GPR19: variants seen among roughly 807,000 people sequenced by gnomAD.
The protein encoded by GPR19 is G protein-coupled receptor 19.
A neutral mutation model predicts 28.5 loss-of-function variants in GPR19; 14 were observed. That is an observed-to-expected ratio of 0.49 (90% CI 0.32 to 0.77). The LOEUF (loss-of-function observed/expected upper bound fraction) is 0.77, where lower values mean the gene tolerates loss of function less well. Ranked by LOEUF, GPR19 falls within the 30% of genes least tolerant of loss-of-function variation. The pLI is 0.03. For synonymous variants in GPR19, 173 were observed against 184.1 expected (o/e 0.94, Z 0.49); for missense variants, 409 against 504.1 (o/e 0.81, Z 1.81).
At chr12:12,716,390 G>A in the GPR19 span, among the ~76,000 whole-genome samples, 2 of 152,288 alleles carry the variant, frequency 1.3e-5, no homozygotes, top group South Asian at 2.1e-4. Context: ...GGAAGGAGCT[G>A]TTGTATTTGG....
At chr12:12,667,501 G>A (rs1945800375) in intron 3 of GPR19, among the ~76,000 whole-genome samples, 2 of 151,906 alleles carry the variant, frequency 1.3e-5, no homozygotes, top group African/African-American at 4.8e-5. Context: ...GACCAGCCTG[G>A]CCAATACGGC....
chr12:12,675,431 A>C (rs1159369587), intron 3 of GPR19, among the ~76,000 whole-genome samples: 2 of 152,182 alleles, frequency 1.3e-5, no homozygotes, highest in African/African-American at 4.8e-5. Flanking sequence ...ATGGTTCCCC[A>C]AAGATATCCA....
At chr12:12,665,562 A>G (rs970294279) in intron 3 of GPR19, among the ~76,000 whole-genome samples, 3 of 152,068 alleles carry the variant, frequency 2.0e-5, no homozygotes, top group South Asian at 2.1e-4. Context: ...AGATCGGCCG[A>G]GCGCGGTGGC....
intron 3 of GPR19, among the ~76,000 whole-genome samples, chr12:12,676,797 A>C (rs1450765886): frequency 6.6e-6 from 1 of 152,212 alleles, no homozygotes; most frequent in African/African-American, 2.4e-5. Flanking sequence ...CAATTTGGCC[A>C]AGGAATTTGC....
In GPR19 at chr12:12,661,029, T is replaced by G; in HGVS notation, c.*172A>C. 1.8e-6 allele frequency: 1 copy of G among 550,460 alleles called. No individual in the cohort carries two copies. The highest frequency in any genetic ancestry group is 3.1e-6 in the Non-Finnish European group (1 of 320,158). The allele number at this position is 550,460 out of a possible 1,614,324, so 34.1% of individuals were successfully genotyped here. On this transcript the variant is annotated 3_prime_UTR_variant, in exon 4 of 4. Transcript: ENST00000651487. The surrounding 1 kb of genome is among the most constrained non-coding windows in gnomAD (Gnocchi z 4.2). Reference sequence around the variant, plus strand: ...CAAAGTGAACGCTTTTCCTAAAACATAAAAAGCAAGTAAAATAAAACCCAC... The same window carrying G: ...CAAAGTGAACGCTTTTCCTAAAACAGAAAAAGCAAGTAAAATAAAACCCAC...
chr12:12,688,018 G>C (rs1217443143), intron 2 of GPR19, among the ~76,000 whole-genome samples: 4 of 152,170 alleles, frequency 2.6e-5, no homozygotes, highest in African/African-American at 4.8e-5. Flanking sequence ...GACTACTATA[G>C]TTAGAACACC....
At chr12:12,715,962 A>G in the GPR19 span, 4 of 152,270 alleles carry the variant, frequency 2.6e-5, no homozygotes, top group Admixed American at 2.0e-4. Context: ...GGTGCTTAAG[A>G]AAACTTTGCT....
At position 12,661,784 on chromosome 12, in the gene GPR19, G is replaced by A. The variant is rs765196068; in HGVS notation, c.665C>T (p.Ala222Val). Residue 222 changes from alanine to valine, a missense_variant, in exon 4 of 4, where the codon GCC becomes GTC. Coordinates refer to ENST00000651487, the MANE Select transcript of GPR19 (RefSeq NM_006143.3). The surrounding 1 kb of genome is among the most constrained non-coding windows in gnomAD (Gnocchi z 4.2). Reference protein sequence around the residue: ...YFLPSSWEGTAYTVIHFLVGF... With the variant: ...YFLPSSWEGTVYTVIHFLVGF... ...CACCAAGAAGTGGATGACAGTGTAG[G>A]CAGTGCCTTCCCAAGAGGAGGGGAG... The A allele has an allele frequency of 4.3e-6, 7 of 1,613,852 alleles. No homozygotes were observed. The Admixed American group carries it at 1.0e-4, about 23-fold the overall frequency.
the GPR19 span, among the ~76,000 whole-genome samples, chr12:12,715,273 C>T: frequency 2.0e-4 from 30 of 152,282 alleles, no homozygotes; most frequent in Admixed American, 1.0e-3. Context: ...GGGAGGCCTA[C>T]CCTAATTTTC....
intron 2 of GPR19, among the ~76,000 whole-genome samples, chr12:12,688,338 T>C (rs1946124554): frequency 6.6e-6 from 1 of 151,324 alleles, no homozygotes; most frequent in African/African-American, 2.4e-5. Flanking sequence ...TCTGTACATA[T>C]AATGTCGAGT....
chr12:12,684,078 T>C (rs1466863021), intron 3 of GPR19: 1 of 152,196 alleles, frequency 6.6e-6, no homozygotes, highest in Admixed American at 6.5e-5. Flanking sequence ...TTTCCAGGCT[T>C]CAAGGGGAAA....
chr12:12,689,139 G>T (rs963023766), intron 2 of GPR19, among the ~76,000 whole-genome samples: 8 of 152,078 alleles, frequency 5.3e-5, no homozygotes, highest in East Asian at 3.9e-4. Flanking sequence ...AGAGAGTTGG[G>T]GGTGGTGCCA....
chr12:12,670,416 C>G (rs1364543474), intron 3 of GPR19, among the ~76,000 whole-genome samples: 1 of 152,124 alleles, frequency 6.6e-6, no homozygotes, highest in Non-Finnish European at 1.5e-5. Context: ...TCAGTTGCAT[C>G]CTATTCCTGT....
At chr12:12,665,735 G>T (rs951440259) in intron 3 of GPR19, among the ~76,000 whole-genome samples, 1 of 149,484 alleles carries the variant, frequency 6.7e-6, no homozygotes, top group African/African-American at 2.5e-5. Flanking sequence ...TATCCGGGAG[G>T]CTGAGGCAGG....
intron 3 of GPR19, among the ~76,000 whole-genome samples, chr12:12,668,780 T>A (rs1431307782): frequency 6.6e-6 from 1 of 152,192 alleles, no homozygotes; most frequent in Non-Finnish European, 1.5e-5. Flanking sequence ...ATTACAATCA[T>A]GACAGTAGTT....
the GPR19 span, among the ~76,000 whole-genome samples, chr12:12,711,787 A>T: frequency 6.6e-6 from 1 of 152,006 alleles, no homozygotes; most frequent in Non-Finnish European, 1.5e-5. Context: ...TCTCTCAAAT[A>T]CCCAAGCTTG....
chr12:12,710,938 A>G, the GPR19 span, among the ~76,000 whole-genome samples: 7 of 152,334 alleles, frequency 4.6e-5, no homozygotes, highest in Admixed American at 3.3e-4. Context: ...GTGATAAACC[A>G]AATTCTTCAC....
At chr12:12,666,856 T>G (rs1235481313) in intron 3 of GPR19, among the ~76,000 whole-genome samples, 2 of 152,156 alleles carry the variant, frequency 1.3e-5, no homozygotes, top group Non-Finnish European at 2.9e-5. Context: ...GGGGAAAACA[T>G]GACTCCTGAT....
At chr12:12,711,268 T>A in the GPR19 span, among the ~76,000 whole-genome samples, 1 of 139,460 alleles carries the variant, frequency 7.2e-6, no homozygotes, top group Non-Finnish European at 1.5e-5. Context: ...CACTCCAGCC[T>A]GGCGACAGAA....
Sources: gnomAD v4.1 joint callset for allele counts (sites outside exome capture counted in the v4.1 genomes callset) on GRCh38, gnomAD v4.1.1 for gene constraint, Gnocchi (gnomAD v3.1) non-coding constraint, MANE v1.5 for transcripts, NCBI Gene and HGNC (gene_info 2026-07-23, HGNC 2026-07-21) for gene names.